PRKDC: variants seen among roughly 807,000 people sequenced by gnomAD.
PRKDC encodes the protein protein kinase, DNA-activated, catalytic subunit, also known as DNA-dependent protein kinase catalytic subunit.
In PRKDC, 82 loss-of-function variants were observed where a neutral mutation model predicts 486.9. That is an observed-to-expected ratio of 0.17 (90% CI 0.14 to 0.20). The LOEUF (loss-of-function observed/expected upper bound fraction) is 0.20. Ranked by LOEUF, PRKDC falls within the 10% of genes least tolerant of loss-of-function variation. The pLI, the probability that PRKDC is intolerant of heterozygous loss-of-function variation, is 1.00. For missense variants in PRKDC, 4,504 were observed against 5,038.2 expected, an observed-to-expected ratio of 0.89 and a Z score of 3.21; for synonymous variants, 1,895 against 1,837.0, an observed-to-expected ratio of 1.03 and a Z score of -0.81.
chr8:47,790,041 C>T (rs1204311414), intron 74 of PRKDC, among the ~76,000 whole-genome samples: 1 of 152,130 alleles, frequency 6.6e-6, no homozygotes, highest in Non-Finnish European at 1.5e-5. Flanking sequence ...ATTCCACATA[C>T]TACTGGGAGT....
At chr8:47,835,983 G>A (rs757845283) in intron 58 of PRKDC, among the ~76,000 whole-genome samples, 52 of 152,110 alleles carry the variant, frequency 3.4e-4, no homozygotes, top group African/African-American at 1.1e-3. Context: ...GCCCAGGCTG[G>A]TGCGGAACTC....
At chr8:47,853,010 C>T (rs571375950) in intron 51 of PRKDC, among the ~76,000 whole-genome samples, 6 of 152,350 alleles carry the variant, frequency 3.9e-5, no homozygotes, top group Non-Finnish European at 8.8e-5. Flanking sequence ...TCCCATCATG[C>T]AGAACCGCTG....
intron 18 of PRKDC, among the ~76,000 whole-genome samples, chr8:47,929,473 G>A (rs747392421): frequency 2.0e-5 from 3 of 152,180 alleles, no homozygotes; most frequent in Non-Finnish European, 4.4e-5. Context: ...CTGGAGCGTC[G>A]AGAATGCTAA....
chr8:47,931,460 T>C (rs2090250812), intron 16 of PRKDC, among the ~76,000 whole-genome samples: 1 of 151,478 alleles, frequency 6.6e-6, no homozygotes, highest in Non-Finnish European at 1.5e-5. Flanking sequence ...TGCAGGTCTG[T>C]CAGCTGACAC....
Position 47,936,349 on chromosome 8 carries a change from T to C in PRKDC, c.1278+4A>G. 1 of 1,603,222 alleles carries C rather than the reference T, an allele frequency of 6.2e-7. No homozygotes were observed. The highest frequency in any genetic ancestry group is 8.5e-7 in the Non-Finnish European group (1 of 1,174,336). On this transcript the variant is annotated splice_donor_region_variant and intron_variant, in intron 12 of 85. Transcript: ENST00000314191. Reference sequence around the variant, plus strand: ...TAAAATTGTGCTCAGTTTAGTTCACTTACTGTGTCAAGGTACAGCAAGACG... The same window carrying C: ...TAAAATTGTGCTCAGTTTAGTTCACCTACTGTGTCAAGGTACAGCAAGACG...
intron 39 of PRKDC, among the ~76,000 whole-genome samples, chr8:47,878,365 A>T (rs1437168163): frequency 1.3e-5 from 2 of 152,122 alleles, no homozygotes; most frequent in African/African-American, 4.8e-5. Context: ...TCGGCCACCC[A>T]AAGTGCTGGG....
At chr8:47,914,793 G>GAA (rs538297890) in intron 23 of PRKDC, among the ~76,000 whole-genome samples, 84 of 125,774 alleles carry the variant, frequency 6.7e-4, no homozygotes, top group East Asian at 3.4e-3. Context: ...AGAGCGAGGG[G>GAA]AAAAAAAAAA....
At chr8:47,807,676 C>A (rs1456023327) in intron 68 of PRKDC, among the ~76,000 whole-genome samples, 1 of 151,026 alleles carries the variant, frequency 6.6e-6, no homozygotes, top group Non-Finnish European at 1.5e-5. Flanking sequence ...CCTTGGCCTC[C>A]CAAAGTGCTA....
rs1016778249 is a variant in PRKDC at position 47,944,176 on chromosome 8, G to A, written c.722-147C>T. 5 of 735,472 alleles carry A rather than the reference G, an allele frequency of 6.8e-6. No individual in the cohort carries two copies. In the South Asian group the frequency reaches 8.9e-5, roughly 13 times the overall value. The allele number at this position is 735,472 out of a possible 1,614,324, so 45.6% of individuals were successfully genotyped here. A position where few individuals can be genotyped will look rare whatever the true frequency, so the allele number is the denominator to read the frequency against. ...TTCATCATTCCATCCAGCTAAAGTT[G>A]CAAGTTATTACTGCTGCACGGTTAT... On this transcript the variant is annotated intron_variant, in intron 7 of 85. Coordinates refer to ENST00000314191, the MANE Select transcript of PRKDC (RefSeq NM_006904.7).
rs1004234994 is a variant in PRKDC, at chr8:47,893,297, C to T, written c.3689G>A (p.Gly1230Asp). The change falls in exon 31 of 86, where the codon GGC becomes GAC. Residue 1230 changes from glycine to aspartate, a missense_variant. Gly to Asp is a moderately conservative substitution (Grantham distance 94, BLOSUM62 -1). Around this residue, in one of 6 missense-constraint regions of PRKDC, gnomAD observed 1,969 missense variants for 2,068.9 expected, o/e 0.95. Transcript: ENST00000314191. ...CTGGGCCAGGATGCCCGAGGGCTGG[C>T]CACAGCCACCCCCCTCAAAGGTGTT... ...LINTFEGGGC[G>D]QPSGILAQPT... is the part of the protein sequence containing the mutation. 3 of 1,608,532 alleles carry T rather than the reference C, an allele frequency of 1.9e-6. No individual in the cohort carries two copies. The highest frequency in any genetic ancestry group is 2.6e-6 in the Non-Finnish European group (3 of 1,176,426).
At position 47,897,218 on chromosome 8, in the gene PRKDC, T is replaced by C; in HGVS notation, c.3541A>G (p.Thr1181Ala). Residue 1181 changes from threonine to alanine, a missense_variant, in exon 30 of 86, where the codon ACA becomes GCA. This residue lies in a region of PRKDC where 1,969 missense variants were observed against 2,068.9 expected (regional missense o/e 0.95). Transcript: ENST00000314191. ...TCAATGGATTTGTGTCGACATTCTG[T>C]CTGGGGCCTCCCACAATGAGCTAAA... is the stretch of plus-strand genomic sequence containing the variant. ...WLLAHCGRPQTECRHKSIELF... is the reference protein window; with the variant it reads ...WLLAHCGRPQAECRHKSIELF... 8 of 1,609,288 alleles carry C rather than the reference T, an allele frequency of 5.0e-6. No individual in the cohort carries two copies. Among genetic ancestry groups the C allele is most frequent in the South Asian group, 1.1e-5 (1 of 90,728 alleles).
chr8:47,785,562 C>A (rs2154497634), intron 76 of PRKDC, among the ~76,000 whole-genome samples: 1 of 151,792 alleles, frequency 6.6e-6, no homozygotes, highest in Non-Finnish European at 1.5e-5. Context: ...AGCAAGACCC[C>A]AACTCTACAA....
intron 16 of PRKDC, 76 bp downstream of exon 16, chr8:47,932,942 ATT>A: frequency 7.7e-7 from 1 of 1,301,172 alleles, no homozygotes; most frequent in Admixed American, 2.8e-5. Context: ...CAAATGTGCT[ATT>A]GTCCCCTAAA....
chr8:47,848,236 C>T (rs1020320419), intron 54 of PRKDC, among the ~76,000 whole-genome samples: 1 of 152,150 alleles, frequency 6.6e-6, no homozygotes, highest in Non-Finnish European at 1.5e-5. Flanking sequence ...TGGAATCAAC[C>T]CAGGTGCCCA....
Position 47,877,734 on chromosome 8 carries a change from T to C in PRKDC, c.5353A>G (p.Ile1785Val). The change falls in exon 40 of 86, where the codon ATT (isoleucine) becomes GTT (valine). Residue 1785 changes from isoleucine to valine, a missense_variant. Coordinates refer to ENST00000314191, the MANE Select transcript of PRKDC (RefSeq NM_006904.7). ...EELFQSSFRRIARRGSCVTQV... is the reference protein window; with the variant it reads ...EELFQSSFRRVARRGSCVTQV... ...GCCAGAATGACTTACCTTCTGGCAA[T>C]CCTCCTGAAACTGGATTGAAATAAT... The C allele has an allele frequency of 5.0e-6, 8 of 1,585,548 alleles. No individual in the cohort carries two copies. Among genetic ancestry groups the C allele is most frequent in the Non-Finnish European group, 6.9e-6 (8 of 1,165,158 alleles).
At chr8:47,958,053 T>C (rs1337494015) in intron 1 of PRKDC, among the ~76,000 whole-genome samples, 1 of 152,156 alleles carries the variant, frequency 6.6e-6, no homozygotes, top group Non-Finnish European at 1.5e-5. Context: ...CAGCTGACCT[T>C]AAAATGGGAA....
At chr8:47,934,403 C>T (rs1289869946) in intron 14 of PRKDC, among the ~76,000 whole-genome samples, 2 of 152,224 alleles carry the variant, frequency 1.3e-5, no homozygotes, top group Admixed American at 6.5e-5. Context: ...GGCAAGGTGG[C>T]GGTCGCCTGT....
At chr8:47,783,899 C>T (rs1198761687) in intron 77 of PRKDC, 90 bp from the exon 78 acceptor site, 3 of 1,261,076 alleles carry the variant, frequency 2.4e-6, no homozygotes, top group Admixed American at 3.5e-5. Context: ...TTTTAAAAAG[C>T]CAATCTAACA....
intron 61 of PRKDC, among the ~76,000 whole-genome samples, chr8:47,830,158 A>ACCAC (rs1228228588): frequency 2.6e-5 from 4 of 152,210 alleles, no homozygotes; most frequent in Admixed American, 2.6e-4. Flanking sequence ...CCATAATTAT[A>ACCAC]CCATAAAGAG....
Sources: gnomAD v4.1 joint callset for allele counts (sites outside exome capture counted in the v4.1 genomes callset) on GRCh38, gnomAD v4.1.1 for gene constraint, gnomAD v4.1.1 regional missense constraint, MANE v1.5 for transcripts, NCBI Gene and HGNC (gene_info 2026-07-23, HGNC 2026-07-21) for gene names.